The following AP1M2 variants were observed in gnomAD, a reference collection of about 807,000 sequenced individuals.
AP1M2 encodes AP-1 complex subunit mu-2.
AP1M2 carries 41 observed loss-of-function variants against 54.6 expected under a neutral mutation model. The observed-to-expected ratio is 0.75, with a 90% CI of 0.59 to 0.97. The LOEUF (loss-of-function observed/expected upper bound fraction) is 0.97, where lower values mean the gene tolerates loss of function less well. Among genes scored for constraint, AP1M2 ranks in the 50% least tolerant of loss-of-function variants. The pLI is 0.00. For missense variants in AP1M2, 507 were observed against 561.2 expected, an observed-to-expected ratio of 0.90 and a Z score of 0.98; for synonymous variants, 219 against 215.9, an observed-to-expected ratio of 1.01 and a Z score of -0.13.
chr19:10,583,557 A>C, intron 3 of AP1M2, 49 bp downstream of exon 3: 2 of 1,396,576 alleles, frequency 1.4e-6, no homozygotes, highest in Non-Finnish European at 2.0e-6. Flanking sequence ...GAGGCGGGCA[A>C]GAGGGATAGA....
At chr19:10,581,204 C>A in intron 6 of AP1M2, 62 bp downstream of exon 6, 1 of 1,548,180 alleles carries the variant, frequency 6.5e-7, no homozygotes, top group Non-Finnish European at 8.7e-7. Flanking sequence ...TAAGTCCCCA[C>A]GTGGGGCGGG....
At position 10,581,249 on chromosome 19, in the gene AP1M2, GT is replaced by G; in HGVS notation, c.673+16del. On this transcript the variant is annotated intron_variant, in intron 6 of 11. Coordinates refer to ENST00000250244, the MANE Select transcript of AP1M2 (RefSeq NM_005498.5). Reference sequence around the variant, plus strand: ...CCCCTGTGCATTTCTCAGAAGAAAGGTCCCCTAAATGCTTACGGCCAGTGAG... The same window carrying G: ...CCCCTGTGCATTTCTCAGAAGAAAGGCCCCTAAATGCTTACGGCCAGTGAG... The G allele has an allele frequency of 6.2e-7, 1 of 1,601,292 alleles. No homozygotes were observed. The highest frequency in any genetic ancestry group is 8.5e-7 in the Non-Finnish European group (1 of 1,171,710).
chr19:10,573,493 C>G (rs73496553), intron 11 of AP1M2, among the ~76,000 whole-genome samples: 9,367 of 151,896 alleles, frequency 0.062, 318 homozygotes, highest in Middle Eastern at 0.1. Flanking sequence ...TCCCCTATCC[C>G]AGCACTCATG....
rs1013005526 is a variant in AP1M2, at chr19:10,581,559, G to T, written c.474C>A (p.Ser158=). 4 of 1,613,738 alleles carry T rather than the reference G, an allele frequency of 2.5e-6. No homozygotes were observed. Among genetic ancestry groups the T allele is most frequent in the Middle Eastern group, 1.6e-4 (1 of 6,084 alleles). Residue 158 remains serine (S), a synonymous_variant, in exon 5 of 12, where the codon TCC becomes TCA. Coordinates refer to ENST00000250244, the MANE Select transcript of AP1M2 (RefSeq NM_005498.5). The stretch of plus-strand genomic sequence containing the variant: ...TATACTTGATACCCTCGGAGCGCCA[G>T]GACACAGCGTTGGTGACAGTGGGTG... The part of the protein sequence containing the change: ...RVPPTVTNAV[S]WRSEGIKYKK...
intron 8 of AP1M2, among the ~76,000 whole-genome samples, chr19:10,578,204 G>A (rs575075078): frequency 6.6e-6 from 1 of 152,290 alleles, no homozygotes; most frequent in East Asian, 1.9e-4. Context: ...TTCCTCATCT[G>A]TAAAATGGAC....
intron 9 of AP1M2, among the ~76,000 whole-genome samples, chr19:10,576,944 C>G (rs1462770994): frequency 6.6e-6 from 1 of 152,134 alleles, no homozygotes; most frequent in Non-Finnish European, 1.5e-5. Flanking sequence ...CAGGCGTGAG[C>G]CACTGCGCCC....
intron 10 of AP1M2, 75 bp downstream of exon 10, chr19:10,574,829 A>T: frequency 1.3e-6 from 2 of 1,493,352 alleles, no homozygotes; most frequent in Admixed American, 4.6e-5. Flanking sequence ...GACTGAGGTG[A>T]CTCGAGCCAA....
chr19:10,577,389 T>A, intron 8 of AP1M2, 33 bp from the exon 9 acceptor site: 1 of 1,543,872 alleles, frequency 6.5e-7, no homozygotes, highest in South Asian at 1.2e-5. Context: ...GCACGAAGAA[T>A]TCGCTTGCTC....
At chr19:10,586,095 A>G in intron 1 of AP1M2, among the ~76,000 whole-genome samples, 1 of 152,134 alleles carries the variant, frequency 6.6e-6, no homozygotes, top group Non-Finnish European at 1.5e-5. Context: ...CATCCTGCCC[A>G]ACATGGTGAA....
chr19:10,577,131 C>T lies in AP1M2; in HGVS notation c.1047+67G>A, dbSNP rs996243596. ...GTTCTCTGCCTTGTTCTCATGGCTC[C>T]TGGGCAGCCCCCACACTACTCCAGT... is the stretch of plus-strand genomic sequence containing the variant. On this transcript the variant is annotated intron_variant, in intron 9 of 11. Coordinates refer to ENST00000250244, the MANE Select transcript of AP1M2 (RefSeq NM_005498.5). The T allele has an allele frequency of 1.1e-5, 17 of 1,531,070 alleles. No homozygotes were observed. In the African/African-American group the frequency reaches 2.1e-4, roughly 19 times the overall value. The allele number at this position is 1,531,070 out of a possible 1,614,324, so 94.8% of individuals were successfully genotyped here. A position where few individuals can be genotyped will look rare whatever the true frequency, so the allele number is the denominator to read the frequency against.
chr19:10,577,580 C>A (rs1013448317), intron 8 of AP1M2, among the ~76,000 whole-genome samples: 6 of 150,640 alleles, frequency 4.0e-5, no homozygotes, highest in Non-Finnish European at 8.9e-5. Context: ...ACTACAGGCA[C>A]CCGCCAGCAC....
intron 6 of AP1M2, among the ~76,000 whole-genome samples, chr19:10,580,302 C>T (rs1917396453): frequency 1.3e-5 from 2 of 152,028 alleles, no homozygotes; most frequent in Non-Finnish European, 2.9e-5. Flanking sequence ...CCTCCCTCCT[C>T]GGCCTCCCAA....
intron 1 of AP1M2, among the ~76,000 whole-genome samples, chr19:10,585,276 G>GA (rs1423063893): frequency 0.26 from 19,880 of 77,050 alleles, 3,066 homozygotes; most frequent in East Asian, 0.48. Flanking sequence ...AAGAAAGAAA[G>GA]AAGAAAAAAA....
In AP1M2 at chr19:10,581,520, G is replaced by C; in HGVS notation, c.513C>G (p.Val171=). 1 of 1,613,928 alleles carries C rather than the reference G, an allele frequency of 6.2e-7. No individual in the cohort carries two copies. The highest frequency in any genetic ancestry group is 1.1e-5 in the South Asian group (1 of 91,072). ...TGACAGACTCTATGACATCAATGAA[G>C]ACCTCGTTCTTCTTATACTTGATAC... ...SEGIKYKKNE[V]FIDVIESVNL... Residue 171 remains valine (V), a synonymous_variant, in exon 5 of 12, where the codon GTC becomes GTG. Coordinates refer to ENST00000250244, the MANE Select transcript of AP1M2 (RefSeq NM_005498.5).
rs751224180 is a variant in AP1M2, at chr19:10,581,871, C to T, written c.275G>A (p.Cys92Tyr). 1 of 1,610,786 alleles carries T rather than the reference C, an allele frequency of 6.2e-7. No individual in the cohort carries two copies. The highest frequency in any genetic ancestry group is 1.1e-5 in the South Asian group (1 of 90,486). The change falls in exon 4 of 12, where the codon TGC becomes TAC. Residue 92 changes from cysteine (C) to tyrosine (Y), a missense_variant. Physicochemically the swap from Cys to Tyr is radical, Grantham distance 194. Coordinates refer to ENST00000250244, the MANE Select transcript of AP1M2 (RefSeq NM_005498.5). Reference protein sequence around the residue: ...SFLYKTIEVFCEYFKELEEES... With the variant: ...SFLYKTIEVFYEYFKELEEES... ...CTCCTCCAGCTCCTTGAAGTATTCG[C>T]AGAATACCTGGGGGTTGGAGGAGAG...
rs749276032 is a variant in AP1M2, at chr19:10,583,649, G to A, written c.224C>T (p.Ala75Val). 1.2e-6 allele frequency: 2 copies of A among 1,613,306 alleles called. No homozygotes were observed. The highest frequency in any genetic ancestry group is 1.7e-6 in the Non-Finnish European group (2 of 1,179,510). The stretch of plus-strand genomic sequence containing the variant: ...GAAGGAGTACACCAGGGAGGCATTG[G>A]CATTCTTCGATGTGGTGGCCACCAC... ...LYLVATTSKN[A>V]NASLVYSFLY... The change falls in exon 3 of 12, where the codon GCC becomes GTC. Residue 75 changes from alanine (A) to valine (V), a missense_variant. Ala to Val is a moderately conservative substitution (Grantham distance 64, BLOSUM62 0). Transcript: ENST00000250244.
intron 8 of AP1M2, among the ~76,000 whole-genome samples, chr19:10,577,734 C>T (rs997568377): frequency 1.0e-3 from 114 of 113,518 alleles, no homozygotes; most frequent in African/African-American, 3.4e-3. Context: ...CATGCTTGGC[C>T]TTTTTTTTTT....
At position 10,574,876 on chromosome 19, in the gene AP1M2, G is replaced by T. The variant is rs370943914; in HGVS notation, c.1173+28C>A. The T allele has an allele frequency of 1.2e-5, 19 of 1,588,580 alleles. No homozygotes were observed. In the African/African-American group the frequency reaches 2.6e-4, roughly 21 times the overall value. ...GAGGGGAACCCACCGAAGTCAAGGG[G>T]AGGATCCTCCCTGCCTGCTTCTCTC... On this transcript the variant is annotated intron_variant, in intron 10 of 11. Transcript: ENST00000250244.
intron 3 of AP1M2, among the ~76,000 whole-genome samples, 185 bp from the exon 4 acceptor site, chr19:10,582,063 C>A (rs1278782793): frequency 1.3e-5 from 2 of 149,792 alleles, no homozygotes; most frequent in African/African-American, 4.9e-5. Context: ...TTTTTTTTTT[C>A]GAGACAGTCT....
Sources: allele counts gnomAD v4.1 joint callset (sites outside exome capture counted in the v4.1 genomes callset), GRCh38; gene constraint gnomAD v4.1.1; transcripts MANE v1.5; gene names NCBI Gene and HGNC (gene_info 2026-07-23, HGNC 2026-07-21).